TAFA2: variants seen among roughly 807,000 people sequenced by gnomAD.
The protein encoded by TAFA2 is chemokine-like protein TAFA-2.
A neutral mutation model predicts 18.8 loss-of-function variants in TAFA2; 7 were observed. The ratio of observed to expected loss-of-function variants is 0.37; its 90% CI spans 0.21 to 0.70. TAFA2 has a LOEUF of 0.70. Ranked by LOEUF, TAFA2 falls within the 30% of genes least tolerant of loss-of-function variation. The pLI, the probability that TAFA2 is intolerant of heterozygous loss-of-function variation, is 0.53. For synonymous variants in TAFA2, 60 were observed against 54.2 expected, an observed-to-expected ratio of 1.11 and a Z score of -0.47; for missense variants, 122 against 158.1, an observed-to-expected ratio of 0.77 and a Z score of 1.23.
At chr12:62,159,276 A>T (rs775857071) in intron 1 of TAFA2, among the ~76,000 whole-genome samples, 2 of 152,338 alleles carry the variant, frequency 1.3e-5, no homozygotes, top group South Asian at 2.1e-4. Context: ...TAGCCAAAGG[A>T]TTCTAATAAT....
At chr12:61,784,101 C>G (rs1870623473) in intron 2 of TAFA2, among the ~76,000 whole-genome samples, 1 of 151,338 alleles carries the variant, frequency 6.6e-6, no homozygotes, top group Non-Finnish European at 1.5e-5. Context: ...AGACTGAGGC[C>G]ATCTCTGGAA....
At chr12:61,767,166 T>C (rs1028491693) in intron 2 of TAFA2, among the ~76,000 whole-genome samples, 4 of 152,178 alleles carry the variant, frequency 2.6e-5, no homozygotes, top group Non-Finnish European at 5.9e-5. Context: ...AGCCTGCTCA[T>C]CAGAGAAGCA....
intron 1 of TAFA2, among the ~76,000 whole-genome samples, chr12:62,216,431 T>C (rs1284718952): frequency 6.6e-6 from 1 of 152,208 alleles, no homozygotes; most frequent in Non-Finnish European, 1.5e-5. Context: ...CAGAGATTAA[T>C]GACACCTTTA....
chr12:61,803,802 T>C (rs74871788), intron 2 of TAFA2, among the ~76,000 whole-genome samples: 3,170 of 152,082 alleles, frequency 0.021, 101 homozygotes, highest in African/African-American at 0.072. Context: ...AAAAATATAG[T>C]ACATACTTCA....
At chr12:62,162,817 T>C (rs1449579780) in intron 1 of TAFA2, among the ~76,000 whole-genome samples, 3 of 152,106 alleles carry the variant, frequency 2.0e-5, no homozygotes, top group African/African-American at 7.2e-5. Flanking sequence ...TATATTACTA[T>C]ATGAATACCT....
At chr12:62,162,987 C>A (rs906252652) in intron 1 of TAFA2, among the ~76,000 whole-genome samples, 1 of 151,782 alleles carries the variant, frequency 6.6e-6, no homozygotes, top group Non-Finnish European at 1.5e-5. Flanking sequence ...GAAGACACAG[C>A]ATGAACAAAG....
intron 1 of TAFA2, among the ~76,000 whole-genome samples, chr12:62,104,332 C>A (rs76001787): frequency 1.3e-5 from 2 of 150,902 alleles, no homozygotes; most frequent in Admixed American, 6.6e-5. Flanking sequence ...TATTGATTAA[C>A]CCTCAGCGAT....
chr12:62,222,681 T>A (rs1461100658), intron 1 of TAFA2, among the ~76,000 whole-genome samples: 1 of 150,736 alleles, frequency 6.6e-6, no homozygotes, highest in African/African-American at 2.4e-5. Flanking sequence ...TAATTTTTTT[T>A]TTTTTTTTAT....
intron 2 of TAFA2, among the ~76,000 whole-genome samples, chr12:61,838,973 T>A (rs140699140): frequency 6.6e-6 from 1 of 152,084 alleles, no homozygotes; most frequent in Non-Finnish European, 1.5e-5. Context: ...AGTGCCAAGG[T>A]TGAGAAACCC....
rs554454708 is a variant in TAFA2 at position 61,904,198 on chromosome 12, A to T, written c.-1-36772T>A. On this transcript the variant is annotated intron_variant, in intron 1 of 4. Transcript: ENST00000416284. ...GTGGTGGTGTTCTAAAAAATATAACACACACAATGGGTCCTCAGACTGTGC... is the reference window on the plus strand; with the variant it reads ...GTGGTGGTGTTCTAAAAAATATAACTCACACAATGGGTCCTCAGACTGTGC... 5.3e-5 allele frequency among the ~76,000 whole-genome samples: 8 copies of T among 152,220 alleles called. No homozygotes were observed. In the East Asian group the frequency reaches 1.6e-3, roughly 30 times the overall value.
chr12:62,074,403 C>A (rs9706516), intron 1 of TAFA2, among the ~76,000 whole-genome samples: 34,947 of 152,104 alleles, frequency 0.23, 4,463 homozygotes, highest in East Asian at 0.47. Context: ...CTAATCTCTA[C>A]TGCAATTTAA....
chr12:61,940,867 T>C (rs574997412), intron 1 of TAFA2, among the ~76,000 whole-genome samples: 3 of 152,114 alleles, frequency 2.0e-5, no homozygotes, highest in Non-Finnish European at 2.9e-5. Flanking sequence ...TTTGGCTGCA[T>C]TGAGGGAAAC....
At position 61,741,285 on chromosome 12, in the gene TAFA2, A is replaced by AGT. The variant is rs148540119; in HGVS notation, c.384+12335_384+12336dup. 6.4e-4 allele frequency among the ~76,000 whole-genome samples: 93 copies of AGT among 145,396 alleles called. 1 individual carries two copies. In the Middle Eastern group the frequency reaches 0.017, roughly 27 times the overall value. ...TCTCTCTGCTCTGTGTGTGTGTGTG[A>AGT]GTGTGTGTGTGTGTGTGTATGTGTC... is the stretch of plus-strand genomic sequence containing the variant. On this transcript the variant is annotated intron_variant, in intron 4 of 4. Transcript: ENST00000416284.
chr12:61,786,117 CA>C (rs1293343293), intron 2 of TAFA2, among the ~76,000 whole-genome samples: 1 of 151,518 alleles, frequency 6.6e-6, no homozygotes, highest in East Asian at 2.0e-4. Context: ...GAAACATCCA[CA>C]AAGATTAAAA....
At chr12:61,764,489 T>C (rs919152834) in intron 2 of TAFA2, among the ~76,000 whole-genome samples, 1 of 151,966 alleles carries the variant, frequency 6.6e-6, no homozygotes. Flanking sequence ...AGATTCAGGA[T>C]TGGGGCTCTC....
chr12:62,017,556 C>G (rs1880979293), intron 1 of TAFA2, among the ~76,000 whole-genome samples: 1 of 152,060 alleles, frequency 6.6e-6, no homozygotes, highest in Non-Finnish European at 1.5e-5. Context: ...CTCAACTAAC[C>G]AAGACCTAAG....
At chr12:62,103,910 G>A (rs568435742) in intron 1 of TAFA2, among the ~76,000 whole-genome samples, 7 of 152,130 alleles carry the variant, frequency 4.6e-5, no homozygotes, top group Non-Finnish European at 8.8e-5. Context: ...TGAGAGTTAG[G>A]GATGAAACTC....
chr12:61,983,777 T>C (rs1879723514), intron 1 of TAFA2, among the ~76,000 whole-genome samples: 1 of 152,194 alleles, frequency 6.6e-6, no homozygotes, highest in Non-Finnish European at 1.5e-5. Context: ...ATGAGCTTAA[T>C]AGCCACTCTT....
chr12:62,079,678 A>AT (rs61296173), intron 1 of TAFA2, among the ~76,000 whole-genome samples: 27 of 151,088 alleles, frequency 1.8e-4, no homozygotes, highest in African/African-American at 6.1e-4. Context: ...AAAAAAAAAA[A>AT]TTTTTAACAG....
Sources: gnomAD v4.1 joint callset for allele counts (sites outside exome capture counted in the v4.1 genomes callset) on GRCh38, gnomAD v4.1.1 for gene constraint, MANE v1.5 for transcripts, NCBI Gene and HGNC (gene_info 2026-07-23, HGNC 2026-07-21) for gene names.